DACT2: variants seen among roughly 807,000 people sequenced by gnomAD.
The protein encoded by DACT2 is dishevelled binding antagonist of beta catenin 2, also known as dapper homolog 2.
DACT2 carries 20 observed loss-of-function variants against 22.2 expected under a neutral mutation model. That is an observed-to-expected ratio of 0.90 (90% confidence interval 0.63 to 1.31). The LOEUF is 1.31. Ranked by LOEUF, DACT2 falls within the 50% of genes most tolerant of loss-of-function variation. DACT2 has a pLI of 0.00. For synonymous variants in DACT2, 463 were observed against 479.8 expected (o/e 0.96, Z 0.46); for missense variants, 1,048 against 1,061.4 (o/e 0.99, Z 0.18).
intron 1 of DACT2, among the ~76,000 whole-genome samples, chr6:168,316,219 C>T (rs186114215): frequency 6.6e-6 from 1 of 152,380 alleles, no homozygotes; most frequent in Non-Finnish European, 1.5e-5. Context: ...CTCCCACCCC[C>T]TTGACAGAAC....
At chr6:168,304,649 T>C (rs1413948827), downstream of DACT2, among the ~76,000 whole-genome samples, 1 of 152,216 alleles carries the variant, frequency 6.6e-6, no homozygotes, top group Non-Finnish European at 1.5e-5. Context: ...CCCTTGCCCC[T>C]ACTGTGGGGA....
At chr6:168,297,215 C>T (rs750087845) in intron 3 of DACT2, among the ~76,000 whole-genome samples, 1 of 152,164 alleles carries the variant, frequency 6.6e-6, no homozygotes, top group Non-Finnish European at 1.5e-5. Context: ...AATGGTCCCC[C>T]AGAGATGTCC....
At position 168,307,764 on chromosome 6, in the gene DACT2, TG is replaced by T; in HGVS notation, c.1992del (p.Lys665SerfsTer92). ...CGCGGGTCACACTCGGCCGAGTGCT[TG>T]GAGGGCTCTGAGTCGCTCCTGGTGT... ...DAYTRSDSEP[S>X]KHSAECDPRF... On this transcript the variant is annotated frameshift_variant, in exon 4 of 4. Coordinates refer to ENST00000366795, the MANE Select transcript of DACT2 (RefSeq NM_214462.5). LOFTEE classifies it low-confidence loss of function (END_TRUNC). The surrounding 1 kb of genome is among the most constrained non-coding windows in gnomAD (Gnocchi z 5.3). 6.5e-7 allele frequency: 1 copy of T among 1,546,800 alleles called. No individual in the cohort carries two copies. Among genetic ancestry groups the T allele is most frequent in the Non-Finnish European group, 8.7e-7 (1 of 1,146,800 alleles).
chr6:168,309,312 C>CAT (rs1562496823), intron 3 of DACT2, among the ~76,000 whole-genome samples: 2 of 151,230 alleles, frequency 1.3e-5, no homozygotes, highest in African/African-American at 4.9e-5. Context: ...AGACACTGGG[C>CAT]GCGGGGCAGA....
At chr6:168,301,891 A>G (rs1434145748) in intron 3 of DACT2, among the ~76,000 whole-genome samples, 2 of 152,204 alleles carry the variant, frequency 1.3e-5, no homozygotes. Context: ...ATGACCCACA[A>G]GTCCACACCT....
In DACT2 at chr6:168,294,241, C is replaced by T. The variant is rs1189687941; in HGVS notation, c.731-44G>A. On this transcript the variant is annotated intron_variant, in intron 4 of 5. Coordinates refer to the DACT2 transcript ENST00000366796. ...AATGCCATCCTGAGAAACATGAGTG[C>T]CAGGAGCTCTGTCACATCTGTCCCC... is the stretch of plus-strand genomic sequence containing the variant. 3 of 702,904 alleles carry T rather than the reference C, an allele frequency of 4.3e-6. No homozygotes were observed. The Admixed American group carries it at 6.0e-5, about 14-fold the overall frequency. 43.5% of individuals were successfully genotyped at this position (702,904 alleles called of 1,614,324 possible). A position where few individuals can be genotyped will look rare whatever the true frequency, so the allele number is the denominator to read the frequency against.
chr6:168,319,583 C>A lies in DACT2; in HGVS notation c.51G>T (p.Arg17Ser). ...PPGSAGWDRR[R>S]LGARLRAAFA... Reference sequence around the variant, plus strand: ...ACGCCGCGCGCAACCTCGCGCCCAACCTACGGCGGTCCCAGCCCGCGGACC... The same window carrying A: ...ACGCCGCGCGCAACCTCGCGCCCAAACTACGGCGGTCCCAGCCCGCGGACC... The change falls in exon 1 of 4, where the codon AGG becomes AGT. Residue 17 changes from arginine to serine, a missense_variant. Arg to Ser is a moderately radical substitution (Grantham distance 110). Coordinates refer to ENST00000366795, the MANE Select transcript of DACT2 (RefSeq NM_214462.5). 1 of 1,367,528 alleles carries A rather than the reference C, an allele frequency of 7.3e-7. No individual in the cohort carries two copies. Among genetic ancestry groups the A allele is most frequent in the Admixed American group, 2.7e-5 (1 of 37,540 alleles). The allele number at this position is 1,367,528 out of a possible 1,614,324, so 84.7% of individuals were successfully genotyped here.
intron 2 of DACT2, among the ~76,000 whole-genome samples, chr6:168,310,787 A>C (rs578248880): frequency 6.6e-6 from 1 of 152,186 alleles, no homozygotes; most frequent in South Asian, 2.1e-4. Context: ...CAGCCCTTTT[A>C]GGACAGGCCT....
chr6:168,309,197 C>T (rs1779324202), intron 3 of DACT2, 99 bp from the exon 4 acceptor site: 1 of 1,430,674 alleles, frequency 7.0e-7, no homozygotes. Flanking sequence ...AAACGCTGCT[C>T]ATTCACTGCT....
At chr6:168,302,410 C>T (rs1046777045), downstream of DACT2, among the ~76,000 whole-genome samples, 2 of 152,204 alleles carry the variant, frequency 1.3e-5, no homozygotes, top group African/African-American at 4.8e-5. Flanking sequence ...TATACATAAC[C>T]TGTTTTCAGA....
At chr6:168,309,231 G>A (rs1281330981) in intron 3 of DACT2, 133 bp from the exon 4 acceptor site, 1 of 1,369,510 alleles carries the variant, frequency 7.3e-7, no homozygotes, top group East Asian at 2.5e-5. Context: ...GGGTCCCATG[G>A]GAGACGGCGA....
rs1381454707 is a variant in DACT2, at chr6:168,294,684, C to A, written c.679G>T (p.Glu227Ter). 1.3e-6 allele frequency: 2 copies of A among 1,498,416 alleles called. No individual in the cohort carries two copies. Among genetic ancestry groups the A allele is most frequent in the Admixed American group, 2.1e-5 (1 of 46,788 alleles). The allele number at this position is 1,498,416 out of a possible 1,614,324, so 92.8% of individuals were successfully genotyped here. Residue 227 changes from glutamate (E) to a stop codon, truncating the protein, a stop_gained, in exon 4 of 6, where the codon GAA (glutamate) becomes TAA (stop). Transcript: ENST00000366796. LOFTEE classifies it high-confidence loss of function. ...GCAGGCGGAGCATGCATGTCAAGTT[C>A]ACCTGGAGCATTGCACAGCTCTGGT...
At position 168,294,575 on chromosome 6, in the gene DACT2, G is replaced by GTGTGTGTATATATATATA. The variant is rs1554269704; in HGVS notation, c.730+57_730+58insTATATATATATACACACA. The GTGTGTGTATATATATATA allele has an allele frequency of 4.1e-4, 140 of 342,292 alleles. 1 individual carries two copies. The African/African-American group carries it at 5.8e-3, about 14-fold the overall frequency. 21.2% of individuals were successfully genotyped at this position (342,292 alleles called of 1,614,324 possible). ...TGTGTGTGTGTATGTGTGTGTGTGT[G>GTGTGTGTATATATATATA]TGTATATATATATATATATATATAT... is the stretch of plus-strand genomic sequence containing the variant. On this transcript the variant is annotated intron_variant, in intron 4 of 5. Coordinates refer to the DACT2 transcript ENST00000366796.
rs1022596226 is a variant in DACT2, at chr6:168,307,392, CCT to C, written c.*38_*39del. The C allele has an allele frequency of 8.4e-6, 13 of 1,548,710 alleles. No individual in the cohort carries two copies. The highest frequency in any genetic ancestry group is 1.7e-4 in the Middle Eastern group (1 of 6,000). On this transcript the variant is annotated 3_prime_UTR_variant, in exon 4 of 4. Transcript: ENST00000366795. The surrounding 1 kb of genome is among the most constrained non-coding windows in gnomAD (Gnocchi z 5.3). ...CACAGGACACTGCATGGAAAGGGCC[CCT>C]GTGTGCAGCAGGCTTCTCTTGACGC...
chr6:168,311,582 A>ACAC (rs1562498509), intron 1 of DACT2, among the ~76,000 whole-genome samples: 2 of 77,472 alleles, frequency 2.6e-5, no homozygotes, highest in African/African-American at 5.3e-5. Context: ...ACACACACCC[A>ACAC]TCCACACACA....
At chr6:168,298,342 G>A (rs1313245221) in intron 3 of DACT2, 1 of 152,146 alleles carries the variant, frequency 6.6e-6, no homozygotes, top group Admixed American at 6.5e-5. Context: ...TTTGGCGAGG[G>A]CATGAGGAAT....
chr6:168,299,843 T>C (rs1779073820), intron 3 of DACT2: 1 of 152,326 alleles, frequency 6.6e-6, no homozygotes, highest in Admixed American at 6.5e-5. Flanking sequence ...AACCCGTCAT[T>C]GCAGGAAGTC....
At position 168,309,011 on chromosome 6, in the gene DACT2, AC is replaced by A; in HGVS notation, c.745del (p.Val249TrpfsTer43). The A allele has an allele frequency of 2.6e-6, 4 of 1,547,776 alleles. No homozygotes were observed. Among genetic ancestry groups the A allele is most frequent in the South Asian group, 1.2e-5 (1 of 84,032 alleles). ...GTCCGGCACGTGCAGCGGGATATCC[AC>A]CCCCTGGCAGAGGAGCCCGAGGAGC... ...AELLGLLCQG[V>X]DIPLHVPDPK... On this transcript the variant is annotated frameshift_variant, in exon 4 of 4. Transcript: ENST00000366795. LOFTEE classifies it low-confidence loss of function (END_TRUNC).
rs1194422502 is a variant in DACT2, at chr6:168,310,462, A to G, written c.380-16T>C. On this transcript the variant is annotated splice_polypyrimidine_tract_variant and intron_variant, in intron 2 of 3. Transcript: ENST00000366795. ...TCGTAAAAGCCTGGACGGAGCAGAC[A>G]AGGCAGGTCAGTGACCCCCATCCAG... The G allele has an allele frequency of 6.5e-7, 1 of 1,538,556 alleles. No individual in the cohort carries two copies. The highest frequency in any genetic ancestry group is 1.2e-5 in the South Asian group (1 of 81,474).
Sources: gnomAD v4.1 joint callset for allele counts (sites outside exome capture counted in the v4.1 genomes callset) on GRCh38, gnomAD v4.1.1 for gene constraint, Gnocchi (gnomAD v3.1) non-coding constraint, MANE v1.5 for transcripts, NCBI Gene and HGNC (gene_info 2026-07-23, HGNC 2026-07-21) for gene names.